Variants in TRIM5 observed in about 807,000 individuals in gnomAD.
TRIM5 encodes tripartite motif containing 5, also known as tripartite motif-containing protein 5.
In TRIM5, 31 loss-of-function variants were observed where a neutral mutation model predicts 35.6. The observed-to-expected ratio is 0.87, with a 90% CI of 0.65 to 1.18. The LOEUF (loss-of-function observed/expected upper bound fraction) is 1.18. Ranked by LOEUF, TRIM5 falls within the 50% of genes most tolerant of loss-of-function variation. TRIM5 has a pLI of 0.00. For synonymous variants in TRIM5, 243 were observed against 215.6 expected (o/e 1.13, Z -1.11); for missense variants, 609 against 591.6 (o/e 1.03, Z -0.31).
At chr11:5,595,384 T>C in the TRIM5 span, 33 of 152,250 alleles carry the variant, frequency 2.2e-4, no homozygotes, top group African/African-American at 8.0e-4. Flanking sequence ...TCTAGTTATA[T>C]AGGTCAAAAT....
chr11:5,590,764 A>G, the TRIM5 span: 1 of 152,280 alleles, frequency 6.6e-6, no homozygotes, highest in Non-Finnish European at 1.5e-5. Flanking sequence ...GCTCTTTGCA[A>G]TAAATTTTGT....
At chr11:5,632,905 C>T in the TRIM5 span, 1 of 1,095,016 alleles carries the variant, frequency 9.1e-7, no homozygotes, top group Non-Finnish European at 1.2e-6. Context: ...CGGCTCACTG[C>T]AACCTCTGCC....
At chr11:5,644,671 A>G in the TRIM5 span, among the ~76,000 whole-genome samples, 1 of 152,312 alleles carries the variant, frequency 6.6e-6, no homozygotes, top group Admixed American at 6.5e-5. Flanking sequence ...CATCCACTGT[A>G]TCATATAGTT....
downstream of TRIM5, among the ~76,000 whole-genome samples, chr11:5,659,478 T>C (rs921825295): frequency 6.6e-6 from 1 of 152,222 alleles, no homozygotes; most frequent in African/African-American, 2.4e-5. Context: ...GCTTAGAGCT[T>C]AGGTATAAGA....
chr11:5,618,904 T>C, the TRIM5 span, among the ~76,000 whole-genome samples: 3 of 152,216 alleles, frequency 2.0e-5, no homozygotes, highest in Non-Finnish European at 4.4e-5. Flanking sequence ...CGTGACTTAT[T>C]TGGGAAACAT....
At chr11:5,683,194 T>C (rs1449287389) in intron 1 of TRIM5, among the ~76,000 whole-genome samples, 4 of 152,200 alleles carry the variant, frequency 2.6e-5, no homozygotes, top group African/African-American at 9.6e-5. Context: ...CCACGACCCC[T>C]TGGGCTCCTG....
chr11:5,589,991 CG>C, the TRIM5 span: 1 of 155,880 alleles, frequency 6.4e-6, no homozygotes, highest in African/African-American at 2.4e-5. Flanking sequence ...CCTGCCCTGC[CG>C]GCCCGGGCAA....
At chr11:5,598,843 C>G in the TRIM5 span, among the ~76,000 whole-genome samples, 2 of 152,124 alleles carry the variant, frequency 1.3e-5, no homozygotes, top group Non-Finnish European at 2.9e-5. Context: ...TGTAAGCATA[C>G]AGTTCTGTGA....
chr11:5,600,144 T>C, the TRIM5 span, among the ~76,000 whole-genome samples: 1 of 152,158 alleles, frequency 6.6e-6, no homozygotes, highest in Non-Finnish European at 1.5e-5. Context: ...TTTTGCACCC[T>C]TTATGGAGAT....
At chr11:5,642,566 T>A in the TRIM5 span, 1 of 1,570,464 alleles carries the variant, frequency 6.4e-7, no homozygotes, top group Non-Finnish European at 8.7e-7. Context: ...GGTAATAAAC[T>A]GTCTAGGTGG....
the TRIM5 span, among the ~76,000 whole-genome samples, chr11:5,648,320 C>A: frequency 8.6e-5 from 13 of 151,986 alleles, no homozygotes; most frequent in African/African-American, 3.1e-4. Flanking sequence ...TCCTGGCTAA[C>A]ACGGAGAAAC....
chr11:5,600,612 T>TA, the TRIM5 span, among the ~76,000 whole-genome samples: 1 of 152,210 alleles, frequency 6.6e-6, no homozygotes, highest in Non-Finnish European at 1.5e-5. Context: ...GGCAGTTTGA[T>TA]ATACTTTTTA....
At chr11:5,638,762 A>G in the TRIM5 span, among the ~76,000 whole-genome samples, 1 of 152,184 alleles carries the variant, frequency 6.6e-6, no homozygotes, top group African/African-American at 2.4e-5. Context: ...GGAATGTAGT[A>G]TTGTACCTGT....
the TRIM5 span, chr11:5,610,709 T>G: frequency 6.3e-7 from 1 of 1,580,838 alleles, no homozygotes; most frequent in Non-Finnish European, 8.6e-7. Flanking sequence ...TTCCTGTGTT[T>G]CCTCTTCTCA....
chr11:5,660,708 A>G (rs1335318518), downstream of TRIM5, among the ~76,000 whole-genome samples: 1 of 152,056 alleles, frequency 6.6e-6, no homozygotes, highest in Non-Finnish European at 1.5e-5. Context: ...AAAGAAAATA[A>G]TGGTGGTGTT....
the TRIM5 span, chr11:5,643,033 T>C: frequency 1.5e-6 from 2 of 1,291,584 alleles, no homozygotes; most frequent in South Asian, 1.6e-5. Flanking sequence ...CCCAAGTTCG[T>C]TCATCACCAT....
the TRIM5 span, among the ~76,000 whole-genome samples, chr11:5,622,171 C>T: frequency 5.9e-5 from 9 of 152,084 alleles, no homozygotes; most frequent in African/African-American, 2.2e-4. Context: ...CTCAGCTGGG[C>T]GCGGTGGCTC....
the TRIM5 span, chr11:5,596,726 T>C: frequency 1.0e-6 from 1 of 1,001,138 alleles, no homozygotes; most frequent in Non-Finnish European, 1.5e-6. Context: ...AGGGATCCCC[T>C]GCCTTTCTCG....
At position 5,678,266 on chromosome 11, in the gene TRIM5, G is replaced by C. The variant is rs1852148482; in HGVS notation, c.682C>G (p.Leu228Val). 6.2e-7 allele frequency: 1 copy of C among 1,614,096 alleles called. No individual in the cohort carries two copies. Among genetic ancestry groups the C allele is most frequent in the East Asian group, 2.2e-5 (1 of 44,890 alleles). Residue 228 changes from leucine (L) to valine (V), a missense_variant, in exon 4 of 8, where the codon CTG (leucine) becomes GTG (valine). Coordinates refer to ENST00000380034, the MANE Select transcript of TRIM5 (RefSeq NM_033034.3). ...TCCAGATCTGAGATGAGCTCTCTCA[G>C]GGACTGGGTCTGCTGCACCATCTCA... is the stretch of plus-strand genomic sequence containing the variant. The part of the protein sequence containing the change: ...ETEMVQQTQS[L>V]RELISDLEHR...
Sources: gnomAD v4.1 joint callset for allele counts (sites outside exome capture counted in the v4.1 genomes callset) on GRCh38, gnomAD v4.1.1 for gene constraint, MANE v1.5 for transcripts, NCBI Gene and HGNC (gene_info 2026-07-23, HGNC 2026-07-21) for gene names.